The following SFXN3 variants were observed in gnomAD, a reference collection of about 807,000 sequenced individuals.
The protein encoded by SFXN3 is sideroflexin-3.
In SFXN3, 31 loss-of-function variants were observed where a neutral mutation model predicts 40.4. The ratio of observed to expected loss-of-function variants is 0.77; its 90% CI spans 0.58 to 1.04. SFXN3 has a LOEUF of 1.04. Ranked by LOEUF, SFXN3 falls within the 50% of genes least tolerant of loss-of-function variation. The probability of loss-of-function intolerance (pLI) is 0.00; values close to 1 mark genes in which losing one functional copy is unlikely to be tolerated. For synonymous variants in SFXN3, 157 were observed against 160.0 expected (o/e 0.98, Z 0.14); for missense variants, 366 against 408.2 (o/e 0.90, Z 0.89).
intron 9 of SFXN3, chr10:101,038,332 G>A (rs962991045): frequency 3.8e-6 from 5 of 1,304,768 alleles, no homozygotes; most frequent in Non-Finnish European, 3.9e-6. Flanking sequence ...TTCACAGGAG[G>A]TTTCCTGAAG....
rs984537718 is a variant in SFXN3, at chr10:101,039,584, G to A, written c.965G>A (p.Ter322=). The change falls in exon 12 of 12, where the codon TGA becomes TAA. Residue 322 remains the stop codon, a stop_retained_variant. Transcript: ENST00000393459. This position sits in a 1 kb window ranked among gnomAD's most constrained non-coding sequence, Gnocchi z 4.6. ...GTGGTCTACTACAACAAGGGGCTTTGAGGAGGGTCAGCCTCTGTCCCCTCC... is the reference window on the plus strand; with the variant it reads ...GTGGTCTACTACAACAAGGGGCTTTAAGGAGGGTCAGCCTCTGTCCCCTCC... 18 of 1,614,036 alleles carry A rather than the reference G, an allele frequency of 1.1e-5. No homozygotes were observed. Among genetic ancestry groups the A allele is most frequent in the Non-Finnish European group, 1.5e-5 (18 of 1,179,886 alleles).
chr10:101,031,254 C>G (rs1393430315), exon 1 of SFXN3: 2 of 152,322 alleles, frequency 1.3e-5, no homozygotes, highest in Non-Finnish European at 1.5e-5. Context: ...CTCCCTTAGG[C>G]GCCAGGGACA....
chr10:101,032,576 T>C (rs935785421), intron 2 of SFXN3, 94 bp downstream of exon 2: 24 of 1,367,732 alleles, frequency 1.8e-5, no homozygotes, highest in Middle Eastern at 1.9e-4. Flanking sequence ...GCAGTCAATG[T>C]CCTCGGCTCT....
Position 101,036,477 on chromosome 10 carries a change from C to T in SFXN3, c.432-9C>T, listed in dbSNP as rs772910504. 9 of 1,613,938 alleles carry T rather than the reference C, an allele frequency of 5.6e-6. No individual in the cohort carries two copies. The Admixed American group carries it at 6.7e-5, about 12-fold the overall frequency. The stretch of plus-strand genomic sequence containing the variant: ...ACCTCTCCCCGTGACCTGGCTTTTC[C>T]ACCCACAGGCAGCTGGGGACAGCCT... On this transcript the variant is annotated splice_polypyrimidine_tract_variant and intron_variant, in intron 5 of 11. Transcript: ENST00000393459. The surrounding 1 kb of genome is among the most constrained non-coding windows in gnomAD (Gnocchi z 4.2).
intron 4 of SFXN3, 58 bp from the exon 5 acceptor site, chr10:101,035,945 G>C: frequency 6.9e-7 from 1 of 1,455,758 alleles, no homozygotes; most frequent in Non-Finnish European, 9.7e-7. Context: ...TCATTACAGG[G>C]GTCTAAAGAT....
rs1170842374 is a variant in SFXN3, at chr10:101,032,354, G to A, written c.-132G>A. ...GTGCCCACCGGGTGGGCGCGGCCGGGAAGCTCCTGCCCCTCCCTGCTGGTC... is the reference window on the plus strand; with the variant it reads ...GTGCCCACCGGGTGGGCGCGGCCGGAAAGCTCCTGCCCCTCCCTGCTGGTC... On this transcript the variant is annotated 5_prime_UTR_variant, in exon 2 of 12. Coordinates refer to ENST00000393459, the Ensembl canonical transcript of SFXN3. 4.8e-6 allele frequency: 6 copies of A among 1,262,266 alleles called. No individual in the cohort carries two copies. In the East Asian group the frequency reaches 1.5e-4, roughly 32 times the overall value. 78.2% of individuals were successfully genotyped at this position (1,262,266 alleles called of 1,614,324 possible). A position where few individuals can be genotyped will look rare whatever the true frequency, so the allele number is the denominator to read the frequency against.
At chr10:101,035,606 C>T (rs138356625) in exon 4 of SFXN3, 13 of 1,613,962 alleles carry the variant, frequency 8.1e-6, no homozygotes, top group South Asian at 3.3e-5. Context: ...CCTGATTGGC[C>T]GCATGTCAGC....
Position 101,035,368 on chromosome 10 carries a change from CT to C in SFXN3, c.162-127del, listed in dbSNP as rs750293497. 2.8e-4 allele frequency: 319 copies of C among 1,121,408 alleles called. 1 individual carries two copies. The highest frequency in any genetic ancestry group is 4.2e-4 in the Admixed American group (13 of 31,152). 69.5% of individuals were successfully genotyped at this position (1,121,408 alleles called of 1,614,324 possible). A position where few individuals can be genotyped will look rare whatever the true frequency, so the allele number is the denominator to read the frequency against. ...CCCTCTCCCAAAGATAAGGAGCTTCCTTATGCTGAGACTGGGGGCTGAAGTT... is the reference window on the plus strand; with the variant it reads ...CCCTCTCCCAAAGATAAGGAGCTTCCTATGCTGAGACTGGGGGCTGAAGTT... On this transcript the variant is annotated intron_variant, in intron 3 of 11. Coordinates refer to ENST00000393459, the Ensembl canonical transcript of SFXN3.
At chr10:101,040,070 G>A (rs1173616070) in exon 12 of SFXN3, 1 of 159,964 alleles carries the variant, frequency 6.3e-6, no homozygotes, top group African/African-American at 2.4e-5. Flanking sequence ...ATAGACACTA[G>A]TAGGACAAAG....
chr10:101,034,014 C>T (rs1938459323), intron 2 of SFXN3, among the ~76,000 whole-genome samples: 1 of 151,874 alleles, frequency 6.6e-6, no homozygotes, highest in African/African-American at 2.4e-5. Flanking sequence ...TATATGGAGA[C>T]ATTCAGTTCC....
chr10:101,037,210 C>G lies in SFXN3; in HGVS notation c.721+7C>G, dbSNP rs377176931. 1 of 1,613,740 alleles carries G rather than the reference C, an allele frequency of 6.2e-7. No individual in the cohort carries two copies. The highest frequency in any genetic ancestry group is 1.1e-5 in the South Asian group (1 of 91,064). On this transcript the variant is annotated splice_region_variant and intron_variant, in intron 8 of 11. Coordinates refer to ENST00000393459, the Ensembl canonical transcript of SFXN3. ...ATGGCGATTCCTGCCATGGGTAAGG[C>G]GGGAGTGGCTGGGTGGGGCATAGGA...
rs926398820 is a variant in SFXN3 at position 101,037,305 on chromosome 10, A to AG, written c.722-71dup. 19 of 1,613,720 alleles carry AG rather than the reference A, an allele frequency of 1.2e-5. No individual in the cohort carries two copies. The South Asian group carries it at 1.2e-4, about 10-fold the overall frequency. ...TCTGGGGAGAGAGGGAGGAGCTTTG[A>AG]GGGGGGTCACCCTTCACAGTTCCTG... is the stretch of plus-strand genomic sequence containing the variant. On this transcript the variant is annotated intron_variant, in intron 8 of 11. Transcript: ENST00000393459.
intron 3 of SFXN3, among the ~76,000 whole-genome samples, chr10:101,035,238 A>C (rs1273753626): frequency 6.6e-6 from 1 of 152,236 alleles, no homozygotes. Flanking sequence ...ACTGGAAACC[A>C]CCATCATCCC....
chr10:101,033,654 G>A (rs756132307), intron 2 of SFXN3, among the ~76,000 whole-genome samples: 13 of 152,156 alleles, frequency 8.5e-5, no homozygotes, highest in Admixed American at 2.6e-4. Context: ...CCAGGGGACC[G>A]GCGTTCAGCA....
At chr10:101,037,939 T>C (rs545253878) in intron 9 of SFXN3, 9 of 789,548 alleles carry the variant, frequency 1.1e-5, no homozygotes, top group Non-Finnish European at 1.4e-5. Context: ...CCTGTCCTCA[T>C]GAAGTTTATA....
exon 12 of SFXN3, chr10:101,040,289 C>G (rs1243446701): frequency 6.6e-6 from 1 of 152,516 alleles, no homozygotes; most frequent in Non-Finnish European, 1.5e-5. Context: ...CCCCCACCAC[C>G]CTACTTGACA....
exon 8 of SFXN3, chr10:101,037,200 A>G (rs774242649): frequency 1.9e-6 from 3 of 1,613,958 alleles, no homozygotes; most frequent in African/African-American, 1.3e-5. Context: ...GATTCCTGCC[A>G]TGGGTAAGGC....
intron 4 of SFXN3, 155 bp downstream of exon 4, chr10:101,035,822 G>C: frequency 8.6e-7 from 1 of 1,169,274 alleles, no homozygotes; most frequent in South Asian, 1.5e-5. Context: ...TCTCACCCCA[G>C]AGACAGTAGG....
intron 2 of SFXN3, 39 bp downstream of exon 2, chr10:101,032,521 T>TGG: frequency 6.6e-7 from 1 of 1,521,004 alleles, no homozygotes; most frequent in Non-Finnish European, 8.8e-7. Flanking sequence ...GGTTCTGGAA[T>TGG]GGGGGTCAGA....
Sources: gnomAD v4.1 joint callset for allele counts (sites outside exome capture counted in the v4.1 genomes callset) on GRCh38, gnomAD v4.1.1 for gene constraint, Gnocchi (gnomAD v3.1) non-coding constraint, MANE v1.5 for transcripts, NCBI Gene and HGNC (gene_info 2026-07-23, HGNC 2026-07-21) for gene names.